The following PLAC1 variants were observed in gnomAD, a reference collection of about 807,000 sequenced individuals.
PLAC1 encodes placenta-specific protein 1.
For synonymous variants in PLAC1, 68 were observed against 62.1 expected, an observed-to-expected ratio of 1.09 and a Z score of -0.44; for missense variants, 136 against 163.2, an observed-to-expected ratio of 0.83 and a Z score of 0.91.
chrX:134,622,244 C>T (rs951596776), intron 1 of PLAC1, among the ~76,000 whole-genome samples: 3 of 111,917 alleles, frequency 2.7e-5, no homozygotes, highest in Admixed American at 9.5e-5. Flanking sequence ...TGGTGCTGAG[C>T]GGGGACAGCC....
Position 134,700,355 on chromosome X carries a change from T to C in PLAC1, n.174+33080A>G, listed in dbSNP as rs935594781. On this transcript the variant is annotated intron_variant and non_coding_transcript_variant, in intron 2 of 2. Coordinates refer to the PLAC1 transcript ENST00000466797. ...AAGTTCTTTTATCTAACTTCTTTAC[T>C]CATTACTCTCCTGATTAATCAACTC... is the stretch of plus-strand genomic sequence containing the variant. 3.6e-5 allele frequency among the ~76,000 whole-genome samples: 4 copies of C among 112,119 alleles called. No individual in the cohort carries two copies. In the South Asian group the frequency reaches 1.5e-3, roughly 41 times the overall value.
At chrX:134,711,301 C>G (rs1411388625) in intron 2 of PLAC1, among the ~76,000 whole-genome samples, 4 of 112,526 alleles carry the variant, frequency 3.6e-5, no homozygotes, top group Admixed American at 2.8e-4. Context: ...AACAACACCA[C>G]ATAAAATAAA....
At chrX:134,646,488 C>T (rs2078334231) in intron 1 of PLAC1, among the ~76,000 whole-genome samples, 1 of 112,071 alleles carries the variant, frequency 8.9e-6, no homozygotes, top group African/African-American at 3.2e-5. Context: ...AATCTCTCTC[C>T]AACATCAGGA....
chrX:134,602,113 G>A lies in PLAC1; in HGVS notation c.-121C>T, dbSNP rs1344098158. On this transcript the variant is annotated 5_prime_UTR_variant, in exon 2 of 3. Coordinates refer to ENST00000359237, the MANE Select transcript of PLAC1 (RefSeq NM_021796.4). Reference sequence around the variant, plus strand: ...TTGAAATGTGGCTTTGTGCTCACTGGTGAAGGCAGCTGGAACAGAAAAAGC... The same window carrying A: ...TTGAAATGTGGCTTTGTGCTCACTGATGAAGGCAGCTGGAACAGAAAAAGC... The A allele has an allele frequency of 3.6e-5, 4 of 112,642 alleles. No homozygotes were observed. Among genetic ancestry groups the A allele is most frequent in the Non-Finnish European group, 7.5e-5 (4 of 53,327 alleles). 9.3% of individuals were successfully genotyped at this position (112,642 alleles called of 1,213,427 possible).
chrX:134,747,705 A>G (rs1415938567), intron 1 of PLAC1, among the ~76,000 whole-genome samples: 1 of 111,904 alleles, frequency 8.9e-6, no homozygotes, highest in Non-Finnish European at 1.9e-5. Context: ...GGGAACCCCA[A>G]AGAGGCATTC....
chrX:134,685,449 C>CTTTTTTTTTTTTTT (rs200498313), intron 2 of PLAC1, among the ~76,000 whole-genome samples: 10 of 49,161 alleles, frequency 2.0e-4, no homozygotes, highest in East Asian at 6.2e-4. Flanking sequence ...AATGGCGTCC[C>CTTTTTTTTTTTTTT]TTTTTTTTTT....
chrX:134,724,269 C>G (rs974758560), intron 2 of PLAC1, among the ~76,000 whole-genome samples: 3 of 112,393 alleles, frequency 2.7e-5, no homozygotes, highest in Non-Finnish European at 3.8e-5. Context: ...GGAAACTGTG[C>G]TATGGTTAAC....
chrX:134,635,827 AG>A (rs2078280791), intron 1 of PLAC1, among the ~76,000 whole-genome samples: 2 of 112,188 alleles, frequency 1.8e-5, no homozygotes, highest in Admixed American at 1.9e-4. Flanking sequence ...CAGATTTGAA[AG>A]CCCGTTCTTT....
intron 1 of PLAC1, among the ~76,000 whole-genome samples, chrX:134,620,385 T>A (rs1045555810): frequency 8.0e-5 from 9 of 112,584 alleles, no homozygotes; most frequent in African/African-American, 2.9e-4. Flanking sequence ...GACAAGTTCT[T>A]ACCATAATCT....
intron 1 of PLAC1, among the ~76,000 whole-genome samples, chrX:134,636,544 G>A (rs1253765704): frequency 8.9e-6 from 1 of 112,300 alleles, no homozygotes; most frequent in Non-Finnish European, 1.9e-5. Flanking sequence ...ATGCTGATGA[G>A]ATTCAAAGCG....
intron 1 of PLAC1, among the ~76,000 whole-genome samples, chrX:134,748,104 C>T (rs1453938712): frequency 5.4e-5 from 6 of 111,164 alleles, no homozygotes; most frequent in Non-Finnish European, 1.1e-4. Flanking sequence ...CCGAGGTGGG[C>T]GGATCACTTG....
chrX:134,715,713 T>G (rs1217765441), intron 2 of PLAC1, among the ~76,000 whole-genome samples: 1 of 111,831 alleles, frequency 8.9e-6, no homozygotes, highest in Non-Finnish European at 1.9e-5. Context: ...GCCCGGCATT[T>G]TGAAATGCTA....
chrX:134,615,270 C>A (rs924472710), intron 1 of PLAC1, among the ~76,000 whole-genome samples: 2 of 111,996 alleles, frequency 1.8e-5, no homozygotes, highest in Non-Finnish European at 1.9e-5. Flanking sequence ...CAATAGCCAA[C>A]CTAACAGATG....
chrX:134,760,060 T>C (rs977860045), intron 1 of PLAC1: 3 of 112,085 alleles, frequency 2.7e-5, no homozygotes, highest in Non-Finnish European at 5.6e-5. Context: ...ACTTGGGTTA[T>C]GGACACCCTA....
At chrX:134,683,012 G>A (rs2078504046) in intron 2 of PLAC1, among the ~76,000 whole-genome samples, 1 of 112,146 alleles carries the variant, frequency 8.9e-6, no homozygotes, top group Non-Finnish European at 1.9e-5. Context: ...CACTTTATAA[G>A]TGGTAGAGAC....
At chrX:134,696,197 T>A (rs1158169208) in intron 2 of PLAC1, among the ~76,000 whole-genome samples, 1 of 111,641 alleles carries the variant, frequency 9.0e-6, no homozygotes, top group Non-Finnish European at 1.9e-5. Flanking sequence ...ACTTGGGCAA[T>A]AGCAGAGGGA....
chrX:134,577,691 G>GA (rs201184343), intron 2 of PLAC1, among the ~76,000 whole-genome samples: 1 of 99,748 alleles, frequency 1.0e-5, no homozygotes. Context: ...CTCCACCAAA[G>GA]AAAAAAAAAA....
intron 2 of PLAC1, among the ~76,000 whole-genome samples, chrX:134,589,035 CT>C (rs1250863325): frequency 2.7e-5 from 3 of 111,734 alleles, no homozygotes. Context: ...AGTGTTCCGA[CT>C]TTGAGCATGT....
intron 2 of PLAC1, among the ~76,000 whole-genome samples, chrX:134,685,449 CTTTTTTTT>C (rs200498313): frequency 2.0e-5 from 1 of 49,140 alleles, no homozygotes; most frequent in Non-Finnish European, 3.6e-5. Context: ...AATGGCGTCC[CTTTTTTTT>C]TTTTTTTTTT....
Sources: gnomAD v4.1 joint callset for allele counts (sites outside exome capture counted in the v4.1 genomes callset) on GRCh38, gnomAD v4.1.1 for gene constraint, MANE v1.5 for transcripts, NCBI Gene and HGNC (gene_info 2026-07-23, HGNC 2026-07-21) for gene names.